TUSC3: variants seen among roughly 807,000 people sequenced by gnomAD.
The protein encoded by TUSC3 is tumor suppressor candidate 3.
A neutral mutation model predicts 44.8 loss-of-function variants in TUSC3; 45 were observed. That is an observed-to-expected ratio of 1.00 (90% CI 0.79 to 1.29). The LOEUF (loss-of-function observed/expected upper bound fraction) is 1.29. TUSC3 is among the 50% of genes most tolerant of loss of function. TUSC3 has a pLI of 0.00. For synonymous variants in TUSC3, 212 were observed against 152.9 expected, an observed-to-expected ratio of 1.39 and a Z score of -2.85; for missense variants, 519 against 437.9, an observed-to-expected ratio of 1.19 and a Z score of -1.65.
intron 8 of TUSC3, 120 bp from the exon 9 acceptor site, chr8:15,748,254 TG>T: frequency 1.3e-6 from 1 of 777,228 alleles, no homozygotes; most frequent in Non-Finnish European, 2.3e-6. Flanking sequence ...TTGTTGTACC[TG>T]TATGTACCAT....
the TUSC3 span, among the ~76,000 whole-genome samples, chr8:15,844,476 CAA>C: frequency 3.3e-5 from 5 of 151,906 alleles, no homozygotes; most frequent in African/African-American, 1.2e-4. Context: ...AAACGGAGAA[CAA>C]AAGAGTTATG....
intron 2 of TUSC3, among the ~76,000 whole-genome samples, chr8:15,629,918 C>T (rs779906467): frequency 6.6e-6 from 1 of 152,048 alleles, no homozygotes; most frequent in Non-Finnish European, 1.5e-5. Context: ...CAATTCTCAC[C>T]TCCCTCAGTG....
At chr8:15,575,971 T>C (rs1803086588) in intron 1 of TUSC3, among the ~76,000 whole-genome samples, 1 of 151,624 alleles carries the variant, frequency 6.6e-6, no homozygotes, top group Non-Finnish European at 1.5e-5. Context: ...TGTGAATTGA[T>C]ATAATAACTG....
At chr8:15,475,245 T>G (rs1239883005) in intron 1 of TUSC3, among the ~76,000 whole-genome samples, 1 of 152,120 alleles carries the variant, frequency 6.6e-6, no homozygotes. Context: ...CCTAGAGACA[T>G]AGAGAAACTT....
At chr8:15,572,362 C>T (rs1802910301) in intron 1 of TUSC3, among the ~76,000 whole-genome samples, 1 of 152,120 alleles carries the variant, frequency 6.6e-6, no homozygotes, top group Non-Finnish European at 1.5e-5. Flanking sequence ...GCTTCCTTTC[C>T]TGTTTCAGCC....
chr8:15,658,583 T>G (rs578262405), intron 3 of TUSC3, among the ~76,000 whole-genome samples: 1 of 151,880 alleles, frequency 6.6e-6, no homozygotes, highest in African/African-American at 2.4e-5. Flanking sequence ...TTTAAAACTT[T>G]TTTTTATAAT....
At position 15,483,403 on chromosome 8, in the gene TUSC3, C is replaced by G; in HGVS notation, n.109C>G. ...TTGCCCAGGCTGGAGTACAATGGCA[C>G]CATCTCGACTCACCACAACCTCTGC... On this transcript the variant is annotated non_coding_transcript_exon_variant, in exon 2 of 6. Coordinates refer to the TUSC3 transcript ENST00000503191. 1.1e-5 allele frequency: 2 copies of G among 185,096 alleles called. 1 individual carries two copies. The allele number at this position is 185,096 out of a possible 1,614,324, so 11.5% of individuals were successfully genotyped here.
chr8:15,612,229 C>G (rs1804794295), intron 1 of TUSC3, among the ~76,000 whole-genome samples: 1 of 152,068 alleles, frequency 6.6e-6, no homozygotes, highest in Non-Finnish European at 1.5e-5. Flanking sequence ...GACTGGTAAA[C>G]AAACACGTGA....
intron 1 of TUSC3, among the ~76,000 whole-genome samples, chr8:15,476,342 TC>T (rs1185180430): frequency 6.6e-6 from 1 of 152,350 alleles, no homozygotes; most frequent in East Asian, 1.9e-4. Context: ...TTATACTTTA[TC>T]CTTTTTGTAT....
intron 2 of TUSC3, among the ~76,000 whole-genome samples, chr8:15,489,959 A>C (rs1800785846): frequency 6.6e-6 from 1 of 152,170 alleles, no homozygotes; most frequent in Non-Finnish European, 1.5e-5. Flanking sequence ...AAAGTTTTGT[A>C]ATTCTGTTGG....
At chr8:15,767,045 A>G (rs1210209704), downstream of TUSC3, among the ~76,000 whole-genome samples, 1 of 152,126 alleles carries the variant, frequency 6.6e-6, no homozygotes, top group Non-Finnish European at 1.5e-5. Flanking sequence ...GCAATATGCT[A>G]TATTGGATCA....
chr8:15,552,319 A>G (rs1478293376), intron 1 of TUSC3, among the ~76,000 whole-genome samples: 2 of 151,722 alleles, frequency 1.3e-5, no homozygotes, highest in African/African-American at 4.8e-5. Context: ...TGAATACTAC[A>G]TGTTAGGTAG....
intron 9 of TUSC3, among the ~76,000 whole-genome samples, chr8:15,749,915 T>G (rs61473043): frequency 1.4e-5 from 2 of 148,112 alleles, no homozygotes; most frequent in African/African-American, 5.0e-5. Context: ...ATAGCACTTA[T>G]AGTTTCAAAG....
At chr8:15,775,776 A>C in the TUSC3 span, among the ~76,000 whole-genome samples, 85 of 122,848 alleles carry the variant, frequency 6.9e-4, 1 homozygote, top group African/African-American at 2.1e-3. Context: ...ATATATATAT[A>C]TCTTCCGTAA....
chr8:15,675,255 TCTTATAAATTTTTG>T lies in TUSC3; in HGVS notation c.798+1420_798+1433del, dbSNP rs569446956. On this transcript the variant is annotated intron_variant, in intron 6 of 10. Transcript: ENST00000503731. ...CACTTAACGTTGTAAATTTAGGAAA[TCTTATAAATTTTTG>T]TTACTGCCTTTTAGTATTCTTCTAA... is the stretch of plus-strand genomic sequence containing the variant. Among the ~76,000 whole-genome samples the T allele has an allele frequency of 4.6e-3, 695 of 152,248 alleles. 5 individuals are homozygous for T. Among genetic ancestry groups the T allele is most frequent in the African/African-American group, 0.016 (669 of 41,554 alleles).
chr8:15,798,979 A>G, the TUSC3 span, among the ~76,000 whole-genome samples: 11 of 152,266 alleles, frequency 7.2e-5, no homozygotes, highest in South Asian at 6.2e-4. Context: ...TGTAAATCCA[A>G]TCAGGAGCAG....
chr8:15,585,538 C>T (rs943754309), intron 1 of TUSC3, among the ~76,000 whole-genome samples: 7 of 152,146 alleles, frequency 4.6e-5, no homozygotes, highest in African/African-American at 1.2e-4. Flanking sequence ...TTATAGGAAA[C>T]TGATGAGGGC....
chr8:15,458,080 A>C (rs1349575895), intron 1 of TUSC3, among the ~76,000 whole-genome samples: 1 of 152,080 alleles, frequency 6.6e-6, no homozygotes, highest in Non-Finnish European at 1.5e-5. Context: ...ACATTATATC[A>C]ACAGGAAAGC....
the TUSC3 span, among the ~76,000 whole-genome samples, chr8:15,812,395 A>G: frequency 3.3e-4 from 50 of 152,304 alleles, no homozygotes; most frequent in Admixed American, 2.1e-3. Context: ...TACCAGGACC[A>G]TAATTTTGAG....
Sources: allele counts gnomAD v4.1 joint callset (sites outside exome capture counted in the v4.1 genomes callset), GRCh38; gene constraint gnomAD v4.1.1; transcripts MANE v1.5; gene names NCBI Gene and HGNC (gene_info 2026-07-23, HGNC 2026-07-21).